Variants in MEIS1 observed in about 807,000 individuals in gnomAD.
The protein encoded by MEIS1 is homeobox protein Meis1.
Under a neutral mutation model 50.8 loss-of-function variants are expected in MEIS1, and 5 were observed. The observed-to-expected ratio is 0.10, with a 90% CI of 0.05 to 0.21. The LOEUF (loss-of-function observed/expected upper bound fraction) is 0.21. MEIS1 is among the 10% of genes least tolerant of loss of function. MEIS1 has a pLI of 1.00. For missense variants in MEIS1, 318 were observed against 517.3 expected (o/e 0.61, Z 3.74); for synonymous variants, 176 against 179.3 (o/e 0.98, Z 0.15).
chr2:66,568,405 A>G, intron 10 of MEIS1: 2 of 374,744 alleles, frequency 5.3e-6, no homozygotes, highest in Middle Eastern at 8.1e-4. Flanking sequence ...TCCAACACCC[A>G]TTATGTGGTC....
chr2:66,516,336 G>A lies in MEIS1; in HGVS notation c.888+4042G>A, dbSNP rs181868994. ...ATTCAGGTGAAGCAAGCATTCACGG[G>A]TCAATATCCAGCATTGACCAGTCGG... On this transcript the variant is annotated intron_variant, in intron 8 of 12. Coordinates refer to ENST00000272369, the MANE Select transcript of MEIS1 (RefSeq NM_002398.3). Among the ~76,000 whole-genome samples, 7 of 152,212 alleles carry A rather than the reference G, an allele frequency of 4.6e-5. No homozygotes were observed. In the East Asian group the frequency reaches 1.4e-3, roughly 29 times the overall value.
At chr2:66,446,327 C>A (rs1037803694) in intron 6 of MEIS1, among the ~76,000 whole-genome samples, 30 of 152,142 alleles carry the variant, frequency 2.0e-4, no homozygotes, top group African/African-American at 7.0e-4. Flanking sequence ...CGGCTTCCTT[C>A]CTAGGCCGCT....
chr2:66,445,982 C>A (rs1672133053), intron 6 of MEIS1, among the ~76,000 whole-genome samples: 1 of 152,190 alleles, frequency 6.6e-6, no homozygotes, highest in Admixed American at 6.5e-5. Flanking sequence ...GCCTCCTGGG[C>A]GCCCTCTCCT....
At chr2:66,454,438 C>T (rs911131086) in intron 6 of MEIS1, among the ~76,000 whole-genome samples, 1 of 152,000 alleles carries the variant, frequency 6.6e-6, no homozygotes, top group Non-Finnish European at 1.5e-5. Context: ...ACTGCAGACT[C>T]ACTCCTAGGG....
At chr2:66,532,532 T>G (rs1019549339) in intron 8 of MEIS1, among the ~76,000 whole-genome samples, 2 of 152,270 alleles carry the variant, frequency 1.3e-5, no homozygotes, top group Middle Eastern at 3.4e-3. Flanking sequence ...GCATAAAATG[T>G]TATAAAATAG....
chr2:66,512,527 T>G (rs1330658574), intron 8 of MEIS1, among the ~76,000 whole-genome samples: 1 of 152,198 alleles, frequency 6.6e-6, no homozygotes, highest in Non-Finnish European at 1.5e-5. Context: ...GTTAAAAGAT[T>G]TAGGTGTTCA....
chr2:66,499,615 G>A (rs1172352581), intron 7 of MEIS1, among the ~76,000 whole-genome samples: 2 of 150,882 alleles, frequency 1.3e-5, no homozygotes, highest in Non-Finnish European at 2.9e-5. Flanking sequence ...TGCAACCCAT[G>A]TAGCCGAATC....
intron 7 of MEIS1, among the ~76,000 whole-genome samples, chr2:66,472,623 C>G (rs1672788658): frequency 6.6e-6 from 1 of 152,118 alleles, no homozygotes; most frequent in African/African-American, 2.4e-5. Context: ...TGCCAATGAC[C>G]CAGACATGGT....
intron 8 of MEIS1, among the ~76,000 whole-genome samples, chr2:66,532,030 T>C (rs1674404538): frequency 6.6e-6 from 1 of 152,178 alleles, no homozygotes; most frequent in Non-Finnish European, 1.5e-5. Flanking sequence ...TTCTTTTTTT[T>C]CTGAAACTAG....
rs1274174575 is a variant in MEIS1 at position 66,553,168 on chromosome 2, G to C, written c.965+5149G>C. On this transcript the variant is annotated intron_variant, in intron 9 of 12. Coordinates refer to ENST00000272369, the MANE Select transcript of MEIS1 (RefSeq NM_002398.3). ...CTAGGAATCACCTAGGGATGGAACA[G>C]CTTCACACATAGAAAGTAATTGTAT... Among the ~76,000 whole-genome samples the C allele has an allele frequency of 3.3e-5, 5 of 152,326 alleles. No homozygotes were observed. In the South Asian group the frequency reaches 1.0e-3, roughly 32 times the overall value.
intron 7 of MEIS1, among the ~76,000 whole-genome samples, chr2:66,474,480 T>C (rs1672842984): frequency 6.6e-6 from 1 of 152,168 alleles, no homozygotes; most frequent in Admixed American, 6.5e-5. Context: ...TCATGGGTGA[T>C]AGCACTAATT....
chr2:66,497,514 G>C (rs1379308367), intron 7 of MEIS1, among the ~76,000 whole-genome samples: 1 of 152,160 alleles, frequency 6.6e-6, no homozygotes, highest in Non-Finnish European at 1.5e-5. Flanking sequence ...TCGGTAGTGT[G>C]TCTCACTTTT....
At chr2:66,554,191 G>A (rs1674994903) in intron 9 of MEIS1, among the ~76,000 whole-genome samples, 1 of 152,194 alleles carries the variant, frequency 6.6e-6, no homozygotes, top group South Asian at 2.1e-4. Context: ...GGGACCCAAT[G>A]TTTCTGAATA....
intron 6 of MEIS1, among the ~76,000 whole-genome samples, chr2:66,457,518 CTCA>C (rs954720955): frequency 1.3e-5 from 2 of 152,162 alleles, no homozygotes; most frequent in African/African-American, 4.8e-5. Context: ...TTCTCTTCTC[CTCA>C]TTTCTCTGCA....
chr2:66,466,780 C>T (rs1026235096), intron 7 of MEIS1, among the ~76,000 whole-genome samples: 1 of 152,070 alleles, frequency 6.6e-6, no homozygotes, highest in Non-Finnish European at 1.5e-5. Context: ...ACCCAATAGA[C>T]AGAAATAACT....
At chr2:66,437,481 A>C (rs1671825466) in intron 1 of MEIS1, 1 of 491,624 alleles carries the variant, frequency 2.0e-6, no homozygotes, top group Non-Finnish European at 3.6e-6. Context: ...AGGAGCCTGA[A>C]TTTCTAAACT....
chr2:66,490,936 C>CT (rs1253579481), intron 7 of MEIS1, among the ~76,000 whole-genome samples: 3 of 152,178 alleles, frequency 2.0e-5, no homozygotes, highest in African/African-American at 7.2e-5. Context: ...TGCGTTGCAT[C>CT]TTTATCTCTC....
chr2:66,464,257 A>G (rs1325021460), intron 7 of MEIS1, 37 bp downstream of exon 7: 1 of 1,490,006 alleles, frequency 6.7e-7, no homozygotes, highest in East Asian at 2.4e-5. Flanking sequence ...TACTTGTTTC[A>G]TTTTTAAGGA....
chr2:66,509,794 T>G (rs973755031), intron 7 of MEIS1, among the ~76,000 whole-genome samples: 2 of 152,180 alleles, frequency 1.3e-5, no homozygotes, highest in Non-Finnish European at 2.9e-5. Flanking sequence ...CCTGAGGTAA[T>G]GGGAAGCTAA....
Sources: gnomAD v4.1 joint callset for allele counts (sites outside exome capture counted in the v4.1 genomes callset) on GRCh38, gnomAD v4.1.1 for gene constraint, MANE v1.5 for transcripts, NCBI Gene and HGNC (gene_info 2026-07-23, HGNC 2026-07-21) for gene names.